VIPR1: variants seen among roughly 807,000 people sequenced by gnomAD.
VIPR1 encodes the protein vasoactive intestinal peptide receptor 1.
In VIPR1, 59 loss-of-function variants were observed where a neutral mutation model predicts 58.8. The ratio of observed to expected loss-of-function variants is 1.00; its 90% confidence interval spans 0.81 to 1.25. The LOEUF is 1.25. Ranked by LOEUF, VIPR1 falls within the 50% of genes most tolerant of loss-of-function variation. The pLI, the probability that VIPR1 is intolerant of heterozygous loss-of-function variation, is 0.00. For missense variants in VIPR1, 626 were observed against 602.7 expected (o/e 1.04, Z -0.40); for synonymous variants, 251 against 242.1 (o/e 1.04, Z -0.34).
In VIPR1 at chr3:42,530,909, G is replaced by C. The variant is rs900198347; in HGVS notation, c.767G>C (p.Trp256Ser). 1.1e-5 allele frequency: 18 copies of C among 1,613,914 alleles called. No individual in the cohort carries two copies. Among genetic ancestry groups the C allele is most frequent in the Non-Finnish European group, 1.3e-5 (15 of 1,179,952 alleles). The change falls in exon 7 of 13, where the codon TGG becomes TCG. Residue 256 changes from tryptophan (W) to serine (S), a missense_variant. By Grantham distance (177) the Trp-to-Ser change is radical. Coordinates refer to ENST00000325123, the MANE Select transcript of VIPR1 (RefSeq NM_004624.4). Reference protein sequence around the residue: ...VSFFSERKYFWGYILIGWGVP... With the variant: ...VSFFSERKYFSGYILIGWGVP... ...TTCTTCTCTGAGCGGAAGTACTTCTGGGGGTACATACTCATCGGCTGGGGT... is the reference window on the plus strand; with the variant it reads ...TTCTTCTCTGAGCGGAAGTACTTCTCGGGGTACATACTCATCGGCTGGGGT...
intron 1 of VIPR1, among the ~76,000 whole-genome samples, chr3:42,504,837 C>T (rs1235034821): frequency 2.1e-5 from 3 of 145,016 alleles, no homozygotes; most frequent in Admixed American, 7.1e-5. Context: ...GGCCCAAGGC[C>T]TTATCACTCC....
At chr3:42,534,892 C>G in intron 10 of VIPR1, 83 bp from the exon 11 acceptor site, 1 of 1,547,850 alleles carries the variant, frequency 6.5e-7, no homozygotes. Flanking sequence ...TCTTCTGTGC[C>G]TCCAGCTGCC....
At chr3:42,506,143 G>A (rs1016154621) in intron 1 of VIPR1, among the ~76,000 whole-genome samples, 11 of 152,180 alleles carry the variant, frequency 7.2e-5, no homozygotes, top group African/African-American at 2.4e-4. Flanking sequence ...AATGGGGGAC[G>A]TTTCCTCATT....
At chr3:42,505,648 T>C (rs547212254) in intron 1 of VIPR1, among the ~76,000 whole-genome samples, 2 of 152,372 alleles carry the variant, frequency 1.3e-5, no homozygotes, top group Admixed American at 6.5e-5. Flanking sequence ...TGGAAGTTTC[T>C]ACCCTCCTGT....
Position 42,531,794 on chromosome 3 carries a change from T to G in VIPR1, c.852-9T>G. 6.2e-7 allele frequency: 1 copy of G among 1,614,084 alleles called. No homozygotes were observed. The highest frequency in any genetic ancestry group is 2.2e-5 in the East Asian group (1 of 44,876). ...CAATCCCTCTCATTCCTCCCCACGG[T>G]CTGCTCAGGTGCTGGGACACCATCA... On this transcript the variant is annotated splice_polypyrimidine_tract_variant and intron_variant, in intron 8 of 12. Transcript: ENST00000325123.
chr3:42,500,226 C>T (rs1699840324), upstream of VIPR1: 3 of 152,244 alleles, frequency 2.0e-5, no homozygotes, highest in African/African-American at 7.2e-5. Context: ...CCATCCAGCC[C>T]TCCAACAGAG....
intron 4 of VIPR1, among the ~76,000 whole-genome samples, chr3:42,526,998 T>A (rs1241904502): frequency 1.3e-5 from 2 of 151,588 alleles, no homozygotes; most frequent in Non-Finnish European, 2.9e-5. Context: ...CCTCGAGGGG[T>A]GTCTGAAGGG....
At chr3:42,515,857 G>A (rs1285433237) in intron 2 of VIPR1, among the ~76,000 whole-genome samples, 2 of 152,202 alleles carry the variant, frequency 1.3e-5, no homozygotes, top group Non-Finnish European at 2.9e-5. Context: ...TGTCTGCCCA[G>A]TGTGCTGTGT....
intron 2 of VIPR1, among the ~76,000 whole-genome samples, chr3:42,517,691 G>A (rs544808284): frequency 7.2e-5 from 11 of 152,242 alleles, no homozygotes; most frequent in African/African-American, 1.4e-4. Context: ...AACTAGGTGC[G>A]GGCTGGGCAC....
chr3:42,515,572 G>T (rs73082667), intron 2 of VIPR1, among the ~76,000 whole-genome samples: 1 of 152,248 alleles, frequency 6.6e-6, no homozygotes, highest in Non-Finnish European at 1.5e-5. Flanking sequence ...CTGGCACAGC[G>T]TTCCCGTCGG....
chr3:42,522,404 G>T (rs1445321487), intron 3 of VIPR1, among the ~76,000 whole-genome samples: 2 of 152,042 alleles, frequency 1.3e-5, no homozygotes, highest in African/African-American at 4.8e-5. Flanking sequence ...ACCATGCCTG[G>T]CCTCTACTTT....
rs1362365384 is a variant in VIPR1 at position 42,537,460 on chromosome 3, C to T, written c.*1179C>T. Reference sequence around the variant, plus strand: ...ATAGGAGCCTGCTGGTCACAGCCTCCTCTGTCTGCCCTTCACCCCAGTGGC... The same window carrying T: ...ATAGGAGCCTGCTGGTCACAGCCTCTTCTGTCTGCCCTTCACCCCAGTGGC... On this transcript the variant is annotated 3_prime_UTR_variant, in exon 13 of 13. Transcript: ENST00000325123. 1.3e-5 allele frequency: 2 copies of T among 152,282 alleles called. No individual in the cohort carries two copies. The highest frequency in any genetic ancestry group is 6.5e-5 in the Admixed American group (1 of 15,284). The allele number at this position is 152,282 out of a possible 1,614,324, so 9.4% of individuals were successfully genotyped here.
At chr3:42,519,007 G>T (rs1411942237) in intron 2 of VIPR1, among the ~76,000 whole-genome samples, 2 of 152,216 alleles carry the variant, frequency 1.3e-5, no homozygotes, top group Non-Finnish European at 2.9e-5. Context: ...CCCTCACTAA[G>T]GACCAAGGAA....
At chr3:42,523,625 A>ACACG (rs1701071966) in intron 3 of VIPR1, among the ~76,000 whole-genome samples, 1 of 148,360 alleles carries the variant, frequency 6.7e-6, no homozygotes, top group Non-Finnish European at 1.5e-5. Flanking sequence ...ACACACACAC[A>ACACG]CACACACACA....
Position 42,529,911 on chromosome 3 carries a change from T to G in VIPR1, c.637-868T>G, listed in dbSNP as rs551625295. Reference sequence around the variant, plus strand: ...AGAAACCCATTCTTCCACTCGGTCCTCTGAACCCCAGGAGGAATGGCCACC... The same window carrying G: ...AGAAACCCATTCTTCCACTCGGTCCGCTGAACCCCAGGAGGAATGGCCACC... On this transcript the variant is annotated intron_variant, in intron 6 of 12. Transcript: ENST00000325123. 4.6e-5 allele frequency: 7 copies of G among 152,350 alleles called. No homozygotes were observed. The East Asian group carries it at 1.4e-3, about 29-fold the overall frequency. The allele number at this position is 152,350 out of a possible 1,614,324, so 9.4% of individuals were successfully genotyped here.
intron 1 of VIPR1, among the ~76,000 whole-genome samples, chr3:42,489,874 C>T (rs1441044221): frequency 2.0e-5 from 3 of 152,284 alleles, no homozygotes; most frequent in Admixed American, 2.0e-4. Flanking sequence ...TCCAGCAAGC[C>T]TTCTGCTTTC....
At chr3:42,531,130 C>T in intron 7 of VIPR1, 198 bp downstream of exon 7, 2 of 701,438 alleles carry the variant, frequency 2.9e-6, no homozygotes, top group Non-Finnish European at 2.3e-6. Flanking sequence ...GTTGCAGCTG[C>T]ACCTAGGGCT....
Position 42,531,550 on chromosome 3 carries a change from C to T in VIPR1, c.851+19C>T, listed in dbSNP as rs1701553943. Reference sequence around the variant, plus strand: ...ATTATGGGTGAGCTGCTGCCCCACACACTCCCCCGGCCGCCATCACTTGGG... The same window carrying T: ...ATTATGGGTGAGCTGCTGCCCCACATACTCCCCCGGCCGCCATCACTTGGG... On this transcript the variant is annotated intron_variant, in intron 8 of 12. Coordinates refer to ENST00000325123, the MANE Select transcript of VIPR1 (RefSeq NM_004624.4). The T allele has an allele frequency of 1.9e-6, 3 of 1,591,446 alleles. No individual in the cohort carries two copies. Among genetic ancestry groups the T allele is most frequent in the Non-Finnish European group, 2.6e-6 (3 of 1,168,214 alleles).
chr3:42,500,485 AT>A (rs1699846596), upstream of VIPR1: 2 of 152,380 alleles, frequency 1.3e-5, no homozygotes, highest in South Asian at 4.1e-4. Context: ...TAATGATAGG[AT>A]TTCAGCATCC....
Sources: gnomAD v4.1 joint callset for allele counts (sites outside exome capture counted in the v4.1 genomes callset) on GRCh38, gnomAD v4.1.1 for gene constraint, MANE v1.5 for transcripts, NCBI Gene and HGNC (gene_info 2026-07-23, HGNC 2026-07-21) for gene names.